The following NEIL3 variants were observed in gnomAD, a reference collection of about 807,000 sequenced individuals.
The protein encoded by NEIL3 is nei like DNA glycosylase 3.
A neutral mutation model predicts 57.5 loss-of-function variants in NEIL3; 48 were observed. The observed-to-expected ratio is 0.83, with a 90% CI of 0.66 to 1.06. NEIL3 has a LOEUF of 1.06. NEIL3 is among the 50% of genes least tolerant of loss of function. The pLI, the probability that NEIL3 is intolerant of heterozygous loss-of-function variation, is 0.00. For missense variants in NEIL3, 717 were observed against 739.1 expected (o/e 0.97, Z 0.35); for synonymous variants, 261 against 253.2 (o/e 1.03, Z -0.29).
At chr4:177,317,420 G>A (rs145651261) in intron 1 of NEIL3, among the ~76,000 whole-genome samples, 2,783 of 151,972 alleles carry the variant, frequency 0.018, 40 homozygotes, top group Admixed American at 0.03. Context: ...TAAGTATATT[G>A]GGGGCTTTGT....
chr4:177,320,465 T>C (rs1263063711), intron 1 of NEIL3, among the ~76,000 whole-genome samples: 3 of 84,394 alleles, frequency 3.6e-5, no homozygotes, highest in African/African-American at 1.3e-4. Context: ...GTGACTGCTG[T>C]CTTTTTTTTT....
Position 177,309,880 on chromosome 4 carries a change from C to A in NEIL3, c.-74C>A. ...ATTTCCTCTGCGTGCGGTCAGTGCCCGCGCAGCGTTGAGTTGCACAGCGGT... is the reference window on the plus strand; with the variant it reads ...ATTTCCTCTGCGTGCGGTCAGTGCCAGCGCAGCGTTGAGTTGCACAGCGGT... On this transcript the variant is annotated 5_prime_UTR_variant, in exon 1 of 10. Transcript: ENST00000264596. 6.5e-7 allele frequency: 1 copy of A among 1,530,956 alleles called. No homozygotes were observed. Among genetic ancestry groups the A allele is most frequent in the Non-Finnish European group, 8.8e-7 (1 of 1,140,176 alleles). The allele number at this position is 1,530,956 out of a possible 1,614,324, so 94.8% of individuals were successfully genotyped here.
intron 5 of NEIL3, among the ~76,000 whole-genome samples, chr4:177,340,852 A>G (rs189569817): frequency 8.5e-5 from 13 of 152,332 alleles, no homozygotes; most frequent in Admixed American, 8.5e-4. Context: ...CTGACCAAAT[A>G]TATCAAAATA....
intron 6 of NEIL3, among the ~76,000 whole-genome samples, chr4:177,350,858 T>C (rs1735333847): frequency 6.6e-6 from 1 of 152,086 alleles, no homozygotes; most frequent in Non-Finnish European, 1.5e-5. Context: ...AAATAACTTT[T>C]ATTTGATGTT....
At chr4:177,347,775 A>C (rs1735253883) in intron 6 of NEIL3, among the ~76,000 whole-genome samples, 1 of 152,220 alleles carries the variant, frequency 6.6e-6, no homozygotes, top group African/African-American at 2.4e-5. Flanking sequence ...AAAAACAATA[A>C]AAAATTATGA....
downstream of NEIL3, among the ~76,000 whole-genome samples, chr4:177,363,873 C>T (rs1001354773): frequency 7.2e-5 from 11 of 152,162 alleles, no homozygotes; most frequent in Non-Finnish European, 1.2e-4. Context: ...GCCTCAGCCT[C>T]CCAAGTAGCT....
At position 177,322,441 on chromosome 4, in the gene NEIL3, A is replaced by G. The variant is rs3792606; in HGVS notation, c.157-18A>G. 0.045 allele frequency: 72,634 copies of G among 1,613,492 alleles called. 3,422 individuals carry two copies. The highest frequency in any genetic ancestry group is 0.29 in the East Asian group (13,169 of 44,834). On this transcript the variant is annotated intron_variant, in intron 1 of 9. Transcript: ENST00000264596. ...TGTGTGTGTGTGTGCTTATGTGTGT[A>G]CATGTATTTTCCACTAGGCTGCTGC...
chr4:177,339,689 T>C, intron 4 of NEIL3, 94 bp from the exon 5 acceptor site: 1 of 803,156 alleles, frequency 1.2e-6, no homozygotes, highest in South Asian at 1.6e-5. Context: ...AAAATCTATT[T>C]ACAGTTCTCT....
chr4:177,335,672 TTTGA>T lies in NEIL3; in HGVS notation c.279-13_279-10del, dbSNP rs1278028767. 1.2e-6 allele frequency: 2 copies of T among 1,607,692 alleles called. No homozygotes were observed. Among genetic ancestry groups the T allele is most frequent in the African/African-American group, 2.7e-5 (2 of 74,610 alleles). ...TATACTTTCTGCCACTCAAAAATGGTTTGATTTTGTTTCAGGATTCATTTCGGAA... is the reference window on the plus strand; with the variant it reads ...TATACTTTCTGCCACTCAAAAATGGTTTTTGTTTCAGGATTCATTTCGGAA... On this transcript the variant is annotated splice_polypyrimidine_tract_variant and intron_variant, in intron 2 of 9. Transcript: ENST00000264596.
At chr4:177,320,118 G>T (rs574705641) in intron 1 of NEIL3, among the ~76,000 whole-genome samples, 7 of 152,126 alleles carry the variant, frequency 4.6e-5, no homozygotes, top group Non-Finnish European at 1.0e-4. Flanking sequence ...CATACTAATT[G>T]GTTGTCATGG....
At chr4:177,370,960 G>A in the NEIL3 span, among the ~76,000 whole-genome samples, 3 of 152,056 alleles carry the variant, frequency 2.0e-5, no homozygotes, top group African/African-American at 7.2e-5. Context: ...TCCTCTGACT[G>A]CGAATAGAAA....
intron 2 of NEIL3, among the ~76,000 whole-genome samples, chr4:177,335,279 C>G (rs909117476): frequency 1.8e-4 from 27 of 152,092 alleles, no homozygotes; most frequent in Non-Finnish European, 2.5e-4. Context: ...TATGAAAACA[C>G]AAACTATAGG....
At chr4:177,364,738 G>A (rs1302401004), downstream of NEIL3, among the ~76,000 whole-genome samples, 2 of 152,094 alleles carry the variant, frequency 1.3e-5, no homozygotes, top group East Asian at 3.9e-4. Context: ...GACCATCCTG[G>A]CCAACATGGT....
chr4:177,353,789 G>A (rs1189112862), intron 8 of NEIL3, 61 bp downstream of exon 8: 79 of 1,329,254 alleles, frequency 5.9e-5, no homozygotes, highest in Non-Finnish European at 7.8e-5. Context: ...TTTTTAAGAC[G>A]AGGTCTCACT....
At chr4:177,352,336 G>A (rs1412133711) in intron 7 of NEIL3, among the ~76,000 whole-genome samples, 2 of 152,152 alleles carry the variant, frequency 1.3e-5, no homozygotes, top group African/African-American at 4.8e-5. Context: ...GTGTCCTTCA[G>A]CAGAGGCGGA....
rs1226642788 is a variant in NEIL3, at chr4:177,362,278, T to G, written c.1636-11T>G. 1 of 1,587,892 alleles carries G rather than the reference T, an allele frequency of 6.3e-7. No individual in the cohort carries two copies. The highest frequency in any genetic ancestry group is 2.2e-5 in the East Asian group (1 of 44,570). ...TGTATAAACTTGTAAATTTACCTTT[T>G]TTTCCTGCAGTGGGCAGATTTGTCC... On this transcript the variant is annotated splice_polypyrimidine_tract_variant and intron_variant, in intron 9 of 9. Coordinates refer to ENST00000264596, the MANE Select transcript of NEIL3 (RefSeq NM_018248.3).
intron 1 of NEIL3, among the ~76,000 whole-genome samples, chr4:177,320,410 C>T (rs1734655418): frequency 6.7e-6 from 1 of 149,294 alleles, no homozygotes; most frequent in Admixed American, 6.7e-5. Flanking sequence ...CATATACCTA[C>T]AGTCTCCAAC....
At chr4:177,320,462 C>CTTTTTTTTT in intron 1 of NEIL3, among the ~76,000 whole-genome samples, 1 of 110,692 alleles carries the variant, frequency 9.0e-6, no homozygotes, top group Non-Finnish European at 1.8e-5. Context: ...GAAGTGACTG[C>CTTTTTTTTT]TGTCTTTTTT....
intron 2 of NEIL3, among the ~76,000 whole-genome samples, chr4:177,329,428 A>C (rs1252183692): frequency 6.6e-6 from 1 of 152,216 alleles, no homozygotes; most frequent in East Asian, 1.9e-4. Flanking sequence ...AACACTTATC[A>C]AAAGAAAGCT....
Sources: gnomAD v4.1 joint callset for allele counts (sites outside exome capture counted in the v4.1 genomes callset) on GRCh38, gnomAD v4.1.1 for gene constraint, MANE v1.5 for transcripts, NCBI Gene and HGNC (gene_info 2026-07-23, HGNC 2026-07-21) for gene names.